LRBA: variants seen among roughly 807,000 people sequenced by gnomAD.
LRBA encodes the protein lipopolysaccharide-responsive and beige-like anchor protein.
A neutral mutation model predicts 330.0 loss-of-function variants in LRBA; 176 were observed. The ratio of observed to expected loss-of-function variants is 0.53; its 90% CI spans 0.47 to 0.60. LRBA has a LOEUF of 0.60. Ranked by LOEUF, LRBA falls within the 20% of genes least tolerant of loss-of-function variation. The pLI is 0.00. For missense variants in LRBA, 3,259 were observed against 3,444.8 expected, an observed-to-expected ratio of 0.95 and a Z score of 1.35; for synonymous variants, 1,230 against 1,193.0, an observed-to-expected ratio of 1.03 and a Z score of -0.64.
At chr4:150,872,888 T>C (rs1456303123) in intron 17 of LRBA, 133 bp from the exon 18 acceptor site, 1 of 453,348 alleles carries the variant, frequency 2.2e-6, no homozygotes, top group Non-Finnish European at 3.9e-6. Flanking sequence ...TAGATTTCTG[T>C]ATATAAAAAA....
intron 31 of LRBA, among the ~76,000 whole-genome samples, chr4:150,809,087 A>G (rs1281796733): frequency 1.3e-5 from 2 of 152,244 alleles, no homozygotes; most frequent in African/African-American, 4.8e-5. Flanking sequence ...TATTGGAGCC[A>G]GTGTGAGGAG....
chr4:150,782,029 T>C (rs948330505), intron 34 of LRBA, among the ~76,000 whole-genome samples: 5 of 152,142 alleles, frequency 3.3e-5, no homozygotes, highest in African/African-American at 1.2e-4. Context: ...CATCTCAGCA[T>C]CCCAGTAGCT....
At position 150,702,965 on chromosome 4, in the gene LRBA, G is replaced by A. The variant is rs192058326; in HGVS notation, c.5755-19248C>T. ...ACCTGAGATCACAAGTTCGAGACCA[G>A]GCTGGCCAACATAGTGAAGCCCCCA... On this transcript the variant is annotated intron_variant, in intron 36 of 56. Transcript: ENST00000651943. Among the ~76,000 whole-genome samples, 228 of 152,264 alleles carry A rather than the reference G, an allele frequency of 1.5e-3. 3 individuals carry two copies. The highest frequency in any genetic ancestry group is 5.1e-3 in the African/African-American group (211 of 41,568).
At chr4:150,593,558 C>T (rs1167115418) in intron 38 of LRBA, among the ~76,000 whole-genome samples, 1 of 152,166 alleles carries the variant, frequency 6.6e-6, no homozygotes, top group Non-Finnish European at 1.5e-5. Flanking sequence ...GAAAACAAAA[C>T]AACCACTGTT....
chr4:150,875,217 G>C (rs549101032), intron 17 of LRBA, among the ~76,000 whole-genome samples: 1 of 152,278 alleles, frequency 6.6e-6, no homozygotes, highest in East Asian at 1.9e-4. Context: ...TGCTTGCCTG[G>C]TTCAGTACCC....
chr4:150,522,384 GT>G (rs1467963907), intron 40 of LRBA, among the ~76,000 whole-genome samples: 2 of 152,330 alleles, frequency 1.3e-5, no homozygotes, highest in Non-Finnish European at 2.9e-5. Context: ...ATTTAAAGCA[GT>G]TTTGGAACTG....
chr4:150,744,268 C>T (rs567601841), intron 35 of LRBA, among the ~76,000 whole-genome samples: 2 of 152,282 alleles, frequency 1.3e-5, no homozygotes, highest in Admixed American at 6.5e-5. Flanking sequence ...GTGAATTTAA[C>T]ATCAATATAT....
chr4:150,551,943 A>G (rs1202257175), intron 40 of LRBA, among the ~76,000 whole-genome samples: 2 of 152,326 alleles, frequency 1.3e-5, no homozygotes, highest in South Asian at 2.1e-4. Flanking sequence ...ATTTTTCCAC[A>G]GACCAAAGTG....
rs1036785501 is a variant in LRBA at position 150,930,033 on chromosome 4, G to A, written c.217-968C>T. Among the ~76,000 whole-genome samples the A allele has an allele frequency of 7.2e-5, 11 of 152,186 alleles. 1 individual carries two copies. Among genetic ancestry groups the A allele is most frequent in the South Asian group, 6.2e-4 (3 of 4,820 alleles). On this transcript the variant is annotated intron_variant, in intron 2 of 56. Coordinates refer to ENST00000651943, the MANE Select transcript of LRBA (RefSeq NM_001364905.1). ...AAAGTGAACTTTAAAAAACAAATCC[G>A]GCAGGGCGTGGTGGCTCATGCCTGT...
intron 35 of LRBA, among the ~76,000 whole-genome samples, chr4:150,747,734 T>A (rs1369930374): frequency 6.6e-6 from 1 of 152,184 alleles, no homozygotes; most frequent in Admixed American, 6.5e-5. Context: ...CATTGCCCAC[T>A]TTGCTACATC....
intron 37 of LRBA, among the ~76,000 whole-genome samples, chr4:150,675,982 T>C (rs1009262943): frequency 6.6e-6 from 1 of 152,202 alleles, no homozygotes; most frequent in Non-Finnish European, 1.5e-5. Context: ...AATAGTAAGA[T>C]TGCCCATATA....
At position 150,577,440 on chromosome 4, in the gene LRBA, A is replaced by G. The variant is rs1770691533; in HGVS notation, c.6330+10608T>C. Reference sequence around the variant, plus strand: ...TTTTTTAAAAAAAAAAAGCATTTTCATAAGTATGTAGAATGATTAAGTATA... The same window carrying G: ...TTTTTTAAAAAAAAAAAGCATTTTCGTAAGTATGTAGAATGATTAAGTATA... On this transcript the variant is annotated intron_variant, in intron 40 of 56. Transcript: ENST00000651943. Among the ~76,000 whole-genome samples the G allele has an allele frequency of 2.0e-5, 3 of 151,786 alleles. No individual in the cohort carries two copies. The South Asian group carries it at 6.2e-4, about 31-fold the overall frequency.
At position 150,831,846 on chromosome 4, in the gene LRBA, C is replaced by T; in HGVS notation, c.4700G>A (p.Gly1567Asp). ...GAGTGATACATTCTCATTTTCACTG[C>T]CAGTTTCTGTACATGACTGGCTATG... ...ERHSQSCTETGSENENVSLSE... is the reference protein window; with the variant it reads ...ERHSQSCTETDSENENVSLSE... Residue 1567 changes from glycine (G) to aspartate (D), a missense_variant, in exon 29 of 57, where the codon GGC becomes GAC. By Grantham distance (94) the Gly-to-Asp change is moderately conservative. Coordinates refer to ENST00000651943, the MANE Select transcript of LRBA (RefSeq NM_001364905.1). 2 of 1,597,588 alleles carry T rather than the reference C, an allele frequency of 1.3e-6. No individual in the cohort carries two copies. Among genetic ancestry groups the T allele is most frequent in the Non-Finnish European group, 1.7e-6 (2 of 1,173,080 alleles).
At position 150,337,081 on chromosome 4, in the gene LRBA, G is replaced by GA. The variant is rs1463135431; in HGVS notation, c.7363-11184dup. On this transcript the variant is annotated intron_variant, in intron 48 of 56. Transcript: ENST00000651943. ...AGAAAACACAGTAAAGGTCTTAAAG[G>GA]AAAAAAACTCAACAATATCCAGAGA... 4.6e-5 allele frequency among the ~76,000 whole-genome samples: 7 copies of GA among 152,118 alleles called. No homozygotes were observed. In the South Asian group the frequency reaches 1.4e-3, roughly 32 times the overall value.
At chr4:150,661,716 T>C (rs1781127533) in intron 37 of LRBA, among the ~76,000 whole-genome samples, 1 of 152,014 alleles carries the variant, frequency 6.6e-6, no homozygotes, top group South Asian at 2.1e-4. Context: ...GTTCATGTGA[T>C]TCTCATGACT....
At chr4:150,893,366 G>T (rs536479522) in intron 16 of LRBA, among the ~76,000 whole-genome samples, 1 of 150,170 alleles carries the variant, frequency 6.7e-6, no homozygotes, top group African/African-American at 2.4e-5. Flanking sequence ...TTTTTTGTGC[G>T]GGGGGGCAGA....
chr4:150,420,443 A>AC (rs1491515220), intron 46 of LRBA, among the ~76,000 whole-genome samples: 2 of 112,098 alleles, frequency 1.8e-5, no homozygotes, highest in Admixed American at 2.0e-4. Flanking sequence ...TATATAATAC[A>AC]TATATAATAT....
intron 22 of LRBA, among the ~76,000 whole-genome samples, chr4:150,858,599 A>G (rs1333307714): frequency 6.6e-6 from 1 of 152,144 alleles, no homozygotes; most frequent in African/African-American, 2.4e-5. Flanking sequence ...GCACAATCTC[A>G]GCTCACTGCA....
At chr4:150,777,064 GTTTTGTTGTTGTTGTTGTTGT>G (rs1375537824) in intron 34 of LRBA, among the ~76,000 whole-genome samples, 21 of 101,094 alleles carry the variant, frequency 2.1e-4, no homozygotes, top group African/African-American at 5.9e-4. Flanking sequence ...TTTTTGAGGG[GTTTTGTTGTTGTTGTTGTTGT>G]TGTTGTTGTT....
Sources: gnomAD v4.1 joint callset for allele counts (sites outside exome capture counted in the v4.1 genomes callset) on GRCh38, gnomAD v4.1.1 for gene constraint, MANE v1.5 for transcripts, NCBI Gene and HGNC (gene_info 2026-07-23, HGNC 2026-07-21) for gene names.